Variants in PXDNL observed in about 807,000 individuals in gnomAD.
PXDNL encodes peroxidasin like.
Under a neutral mutation model 150.8 loss-of-function variants are expected in PXDNL, and 145 were observed. The observed-to-expected ratio is 0.96, with a 90% CI of 0.84 to 1.10. PXDNL has a LOEUF of 1.10. Among genes scored for constraint, PXDNL ranks in the 50% least tolerant of loss-of-function variants. The pLI, the probability that PXDNL is intolerant of heterozygous loss-of-function variation, is 0.00. For synonymous variants in PXDNL, 757 were observed against 725.7 expected (o/e 1.04, Z -0.69); for missense variants, 2,087 against 1,873.9 (o/e 1.11, Z -2.10).
At position 51,736,202 on chromosome 8, in the gene PXDNL, G is replaced by A. The variant is rs148881757; in HGVS notation, c.164+72979C>T. Reference sequence around the variant, plus strand: ...GAGGAGAGGAACATACATTTATGTCGCACAGAATATGGCATTGTCATATAC... The same window carrying A: ...GAGGAGAGGAACATACATTTATGTCACACAGAATATGGCATTGTCATATAC... On this transcript the variant is annotated intron_variant, in intron 1 of 22. Coordinates refer to ENST00000356297, the MANE Select transcript of PXDNL (RefSeq NM_144651.5). 8.3e-3 allele frequency among the ~76,000 whole-genome samples: 1,257 copies of A among 152,214 alleles called. 20 individuals carry two copies. The highest frequency in any genetic ancestry group is 0.029 in the African/African-American group (1,185 of 41,530).
At chr8:51,378,847 G>C (rs947547144) in intron 17 of PXDNL, among the ~76,000 whole-genome samples, 6 of 151,860 alleles carry the variant, frequency 4.0e-5, no homozygotes, top group African/African-American at 1.4e-4. Flanking sequence ...AAGAAACTCT[G>C]AACATGTTCG....
At chr8:51,611,826 C>T (rs191087005) in intron 2 of PXDNL, among the ~76,000 whole-genome samples, 56 of 152,264 alleles carry the variant, frequency 3.7e-4, no homozygotes, top group Admixed American at 9.8e-4. Context: ...GGAAGGAGCA[C>T]GGCACTTTGG....
rs906681124 is a variant in PXDNL at position 51,371,957 on chromosome 8, C to G, written c.3817G>C (p.Val1273Leu). Reference protein sequence around the residue: ...SIQQVQADVFVKAEYPQDYLN... With the variant: ...SIQQVQADVFLKAEYPQDYLN... ...TAATCCTGTGGGTATTCTGCCTTTACAAAGACATCAGCCTGCACTTGCTGA... is the reference window on the plus strand; with the variant it reads ...TAATCCTGTGGGTATTCTGCCTTTAGAAAGACATCAGCCTGCACTTGCTGA... Residue 1273 changes from valine to leucine, a missense_variant, in exon 19 of 23, where the codon GTA (valine) becomes CTA (leucine). Physicochemically the swap from Val to Leu is conservative, Grantham distance 32. Coordinates refer to ENST00000356297, the MANE Select transcript of PXDNL (RefSeq NM_144651.5). The G allele has an allele frequency of 6.2e-7, 1 of 1,613,940 alleles. No homozygotes were observed. Among genetic ancestry groups the G allele is most frequent in the South Asian group, 1.1e-5 (1 of 91,076 alleles).
At chr8:51,379,510 C>T (rs1221325896) in intron 17 of PXDNL, among the ~76,000 whole-genome samples, 3 of 151,664 alleles carry the variant, frequency 2.0e-5, no homozygotes, top group Non-Finnish European at 4.4e-5. Flanking sequence ...ATACTTTTTA[C>T]CCTTTTTTAA....
At chr8:51,482,794 G>T (rs563802332) in intron 6 of PXDNL, among the ~76,000 whole-genome samples, 2 of 152,262 alleles carry the variant, frequency 1.3e-5, no homozygotes, top group South Asian at 2.1e-4. Context: ...GGCCTCCCCA[G>T]CCATGAGGAA....
intron 11 of PXDNL, among the ~76,000 whole-genome samples, 166 bp from the exon 12 acceptor site, chr8:51,447,328 C>T (rs1034092813): frequency 6.6e-6 from 1 of 151,926 alleles, no homozygotes; most frequent in Non-Finnish European, 1.5e-5. Context: ...AACACAGCAC[C>T]CCCATGCCGC....
intron 3 of PXDNL, among the ~76,000 whole-genome samples, chr8:51,568,874 C>A (rs73588727): frequency 0.071 from 10,771 of 151,818 alleles, 981 homozygotes; most frequent in African/African-American, 0.22. Context: ...CAGCCATATC[C>A]AGTCGACTGG....
At chr8:51,409,614 G>A in intron 16 of PXDNL, 53 bp from the exon 17 acceptor site, 1 of 1,458,584 alleles carries the variant, frequency 6.9e-7, no homozygotes, top group East Asian at 2.5e-5. Flanking sequence ...GAGGGCGCGG[G>A]CAACTTGGAA....
intron 12 of PXDNL, among the ~76,000 whole-genome samples, chr8:51,439,596 A>G (rs2129869268): frequency 6.6e-6 from 1 of 152,170 alleles, no homozygotes; most frequent in South Asian, 2.1e-4. Context: ...AGGCTGAGGT[A>G]GGTGGATCAC....
intron 6 of PXDNL, among the ~76,000 whole-genome samples, chr8:51,482,195 C>T (rs1012526192): frequency 1.3e-5 from 2 of 152,178 alleles, no homozygotes; most frequent in African/African-American, 4.8e-5. Context: ...ATCAATGTGA[C>T]CTGGTCGTGA....
intron 1 of PXDNL, among the ~76,000 whole-genome samples, chr8:51,741,480 C>G (rs543145212): frequency 6.6e-6 from 1 of 152,020 alleles, no homozygotes; most frequent in South Asian, 2.1e-4. Flanking sequence ...CAAGTTTATT[C>G]TAAGTTTTAC....
chr8:51,516,180 CTGAGA>C (rs1326821219), intron 4 of PXDNL, among the ~76,000 whole-genome samples: 2 of 152,238 alleles, frequency 1.3e-5, no homozygotes, highest in East Asian at 3.9e-4. Context: ...AAAGATCATT[CTGAGA>C]TGAGTAACAA....
Position 51,650,459 on chromosome 8 carries a change from G to C in PXDNL, c.236+4230C>G, listed in dbSNP as rs116208807. Among the ~76,000 whole-genome samples the C allele has an allele frequency of 3.2e-3, 482 of 152,234 alleles. 3 individuals are homozygous for C. The highest frequency in any genetic ancestry group is 0.011 in the African/African-American group (455 of 41,554). On this transcript the variant is annotated intron_variant, in intron 2 of 22. Coordinates refer to ENST00000356297, the MANE Select transcript of PXDNL (RefSeq NM_144651.5). ...TTTATTCTCCTGATGTTGTGATTTTGTTTTGTAGGATAATGAGGAAGAGAA... is the reference window on the plus strand; with the variant it reads ...TTTATTCTCCTGATGTTGTGATTTTCTTTTGTAGGATAATGAGGAAGAGAA...
intron 1 of PXDNL, among the ~76,000 whole-genome samples, chr8:51,744,524 AAATTAG>A (rs1260293932): frequency 2.0e-5 from 3 of 149,532 alleles, no homozygotes; most frequent in Non-Finnish European, 4.5e-5. Context: ...AAAAAAAAAA[AAATTAG>A]CTGGGCGTGG....
chr8:51,459,704 T>C (rs144946142), intron 8 of PXDNL, among the ~76,000 whole-genome samples: 1 of 152,192 alleles, frequency 6.6e-6, no homozygotes, highest in Non-Finnish European at 1.5e-5. Flanking sequence ...TCCATTCACA[T>C]TGTCAGTTTG....
chr8:51,656,749 C>A (rs964142891), intron 1 of PXDNL, among the ~76,000 whole-genome samples: 2 of 152,112 alleles, frequency 1.3e-5, no homozygotes, highest in African/African-American at 4.8e-5. Flanking sequence ...AATATTTATA[C>A]CTTGATATAG....
intron 17 of PXDNL, among the ~76,000 whole-genome samples, chr8:51,403,566 G>A (rs1209886725): frequency 1.3e-5 from 2 of 152,198 alleles, no homozygotes; most frequent in African/African-American, 2.4e-5. Context: ...CAAGACCCAT[G>A]GCTTTACACG....
intron 17 of PXDNL, among the ~76,000 whole-genome samples, chr8:51,387,460 C>T (rs1287733854): frequency 6.6e-6 from 1 of 152,092 alleles, no homozygotes; most frequent in Non-Finnish European, 1.5e-5. Context: ...CAGAGATTGC[C>T]TCTATGTTCG....
intron 1 of PXDNL, among the ~76,000 whole-genome samples, chr8:51,668,201 A>C (rs1379948329): frequency 5.9e-4 from 1 of 1,684 alleles, no homozygotes. Context: ...TTTGAGACAG[A>C]GTCTCACTCT....
Sources: allele counts gnomAD v4.1 joint callset (sites outside exome capture counted in the v4.1 genomes callset), GRCh38; gene constraint gnomAD v4.1.1; transcripts MANE v1.5; gene names NCBI Gene and HGNC (gene_info 2026-07-23, HGNC 2026-07-21).